Variants in RAB27B observed in about 807,000 individuals in gnomAD.
RAB27B encodes the protein ras-related protein Rab-27B.
A neutral mutation model predicts 24.6 loss-of-function variants in RAB27B; 15 were observed. That is an observed-to-expected ratio of 0.61 (90% CI 0.41 to 0.94). The LOEUF (loss-of-function observed/expected upper bound fraction) is 0.94. Among genes scored for constraint, RAB27B ranks in the 40% least tolerant of loss-of-function variants. The pLI is 0.00. For synonymous variants in RAB27B, 105 were observed against 92.5 expected (o/e 1.14, Z -0.78); for missense variants, 261 against 266.8 (o/e 0.98, Z 0.15).
intron 2 of RAB27B, among the ~76,000 whole-genome samples, chr18:54,748,679 T>C (rs951648036): frequency 6.6e-6 from 1 of 152,184 alleles, no homozygotes; most frequent in Non-Finnish European, 1.5e-5. Flanking sequence ...GCATAGACAT[T>C]GCATTTTCAC....
At chr18:54,887,089 T>TC (rs1192627020) in intron 4 of RAB27B, among the ~76,000 whole-genome samples, 7 of 105,280 alleles carry the variant, frequency 6.6e-5, no homozygotes, top group Non-Finnish European at 1.3e-4. Context: ...CTCTCTCTCC[T>TC]CCCCCCTCCG....
At chr18:54,793,483 AAC>A (rs1202800465) in intron 2 of RAB27B, among the ~76,000 whole-genome samples, 17 of 120,422 alleles carry the variant, frequency 1.4e-4, no homozygotes, top group African/African-American at 6.2e-4. Context: ...TTTGACAGTC[AAC>A]AGAGAGAGAG....
At position 54,830,589 on chromosome 18, in the gene RAB27B, G is replaced by A. The variant is rs561015408; in HGVS notation, c.-20+1889G>A. On this transcript the variant is annotated intron_variant, in intron 1 of 5. Coordinates refer to ENST00000262094, the MANE Select transcript of RAB27B (RefSeq NM_004163.4). ...CATGAAGAATATGTCACTTTCTAAA[G>A]ATGGCTGCCAAATGGGAATGATTTT... Among the ~76,000 whole-genome samples, 37 of 152,224 alleles carry A rather than the reference G, an allele frequency of 2.4e-4. No individual in the cohort carries two copies. The South Asian group carries it at 7.7e-3, about 32-fold the overall frequency.
intron 2 of RAB27B, among the ~76,000 whole-genome samples, chr18:54,719,798 T>C (rs1439144089): frequency 1.3e-5 from 2 of 152,086 alleles, no homozygotes; most frequent in Non-Finnish European, 2.9e-5. Context: ...ATATTCCAAG[T>C]CTGTAAAGAT....
At chr18:54,725,445 A>C (rs1909502320) in intron 2 of RAB27B, among the ~76,000 whole-genome samples, 1 of 151,518 alleles carries the variant, frequency 6.6e-6, no homozygotes, top group Non-Finnish European at 1.5e-5. Context: ...AAAACTTAAT[A>C]CTGGATTACT....
At chr18:54,851,088 G>A (rs1437152966) in intron 1 of RAB27B, among the ~76,000 whole-genome samples, 2 of 152,242 alleles carry the variant, frequency 1.3e-5, no homozygotes, top group East Asian at 3.9e-4. Flanking sequence ...TTGAGTTATA[G>A]TCCGGCAACT....
chr18:54,780,299 C>G (rs1908866496), intron 2 of RAB27B, among the ~76,000 whole-genome samples: 1 of 116,422 alleles, frequency 8.6e-6, no homozygotes, highest in Admixed American at 9.8e-5. Flanking sequence ...CGCATCCTGA[C>G]AGTGTCTCCC....
chr18:54,834,395 T>C (rs1568087083), intron 1 of RAB27B, among the ~76,000 whole-genome samples: 3 of 152,164 alleles, frequency 2.0e-5, no homozygotes, highest in African/African-American at 4.8e-5. Flanking sequence ...TGTATAACTA[T>C]AGACAGGGCA....
chr18:54,805,136 G>C (rs957038588), intron 2 of RAB27B, among the ~76,000 whole-genome samples: 2 of 151,836 alleles, frequency 1.3e-5, no homozygotes, highest in African/African-American at 4.8e-5. Context: ...CGAGTTAAGA[G>C]CCTCAGCAAA....
At chr18:54,798,844 T>C (rs1456755809) in intron 2 of RAB27B, among the ~76,000 whole-genome samples, 1 of 152,252 alleles carries the variant, frequency 6.6e-6, no homozygotes, top group Non-Finnish European at 1.5e-5. Flanking sequence ...AGCCACATCT[T>C]ATAAATTCAA....
At position 54,785,435 on chromosome 18, in the gene RAB27B, G is replaced by C. The variant is rs962713947; in HGVS notation, c.-20+67294G>C. On this transcript the variant is annotated intron_variant, in intron 2 of 4. Transcript: ENST00000586570. The stretch of plus-strand genomic sequence containing the variant: ...ATGTTCTTTGCTCTCACCTTCCTCA[G>C]GTTTTTTTTTTTTTTTTTTTTTTCC... Among the ~76,000 whole-genome samples the C allele has an allele frequency of 4.9e-5, 4 of 81,570 alleles. No individual in the cohort carries two copies. In the Admixed American group the frequency reaches 5.4e-4, roughly 11 times the overall value. The allele number at this position is 81,570 out of a possible 152,430, so 53.5% of individuals were successfully genotyped here. A position where few individuals can be genotyped will look rare whatever the true frequency, so the allele number is the denominator to read the frequency against.
intron 2 of RAB27B, among the ~76,000 whole-genome samples, chr18:54,792,612 G>A (rs1045394113): frequency 4.6e-5 from 7 of 152,062 alleles, no homozygotes; most frequent in Middle Eastern, 3.4e-3. Context: ...CTAAATAATC[G>A]TATTATTTGT....
intron 2 of RAB27B, among the ~76,000 whole-genome samples, chr18:54,724,592 T>C (rs747993644): frequency 6.6e-6 from 1 of 151,220 alleles, no homozygotes; most frequent in African/African-American, 2.4e-5. Flanking sequence ...GGTGTAGTGG[T>C]GTGCTCCTGA....
intron 2 of RAB27B, among the ~76,000 whole-genome samples, chr18:54,776,227 C>T (rs1006231521): frequency 1.3e-5 from 2 of 152,252 alleles, no homozygotes; most frequent in African/African-American, 4.8e-5. Context: ...CAAAGCCTGG[C>T]TAGAGGCAGA....
intron 2 of RAB27B, among the ~76,000 whole-genome samples, chr18:54,738,545 T>C (rs1909971116): frequency 6.6e-6 from 1 of 152,170 alleles, no homozygotes; most frequent in Admixed American, 6.6e-5. Context: ...TTCCTGATGC[T>C]TCCCCACCCA....
intron 2 of RAB27B, among the ~76,000 whole-genome samples, chr18:54,752,596 G>A (rs1437312767): frequency 6.6e-6 from 1 of 152,138 alleles, no homozygotes; most frequent in Non-Finnish European, 1.5e-5. Context: ...CAGCAAGAAA[G>A]GTTTTCTATT....
intron 2 of RAB27B, among the ~76,000 whole-genome samples, chr18:54,778,357 A>G (rs1406765354): frequency 2.0e-5 from 3 of 152,228 alleles, no homozygotes; most frequent in Non-Finnish European, 4.4e-5. Flanking sequence ...AGAGCATGGC[A>G]TGAATGAAGG....
chr18:54,785,436 G>GA (rs766515825), intron 2 of RAB27B, among the ~76,000 whole-genome samples: 1 of 101,706 alleles, frequency 9.8e-6, no homozygotes, highest in East Asian at 3.0e-4. Context: ...CCTTCCTCAG[G>GA]TTTTTTTTTT....
At chr18:54,852,233 G>A (rs762227266) in intron 1 of RAB27B, among the ~76,000 whole-genome samples, 28 of 152,102 alleles carry the variant, frequency 1.8e-4, no homozygotes, top group East Asian at 5.8e-4. Context: ...TAAGTGGTAC[G>A]CCAGGTGCTT....
Sources: allele counts gnomAD v4.1 joint callset (sites outside exome capture counted in the v4.1 genomes callset), GRCh38; gene constraint gnomAD v4.1.1; transcripts MANE v1.5; gene names NCBI Gene and HGNC (gene_info 2026-07-23, HGNC 2026-07-21).